Variants in ATP8B3 observed in about 807,000 individuals in gnomAD.
ATP8B3 encodes the protein ATPase phospholipid transporting 8B3, also known as phospholipid-transporting ATPase IK.
In ATP8B3, 141 loss-of-function variants were observed where a neutral mutation model predicts 140.9. The observed-to-expected ratio is 1.00, with a 90% CI of 0.87 to 1.15. The LOEUF (loss-of-function observed/expected upper bound fraction) is 1.15. Ranked by LOEUF, ATP8B3 falls within the 50% of genes most tolerant of loss-of-function variation. The pLI is 0.00. For missense variants in ATP8B3, 1,874 were observed against 1,740.6 expected (o/e 1.08, Z -1.36); for synonymous variants, 765 against 714.6 (o/e 1.07, Z -1.13).
intron 18 of ATP8B3, among the ~76,000 whole-genome samples, chr19:1,792,776 G>A (rs1033055853): frequency 1.3e-5 from 2 of 151,632 alleles, no homozygotes; most frequent in African/African-American, 4.8e-5. Context: ...TTAGCCAGGT[G>A]TGGTGGCGCA....
rs201547031 is a variant in ATP8B3 at position 1,783,204 on chromosome 19, G to C, written c.3727C>G (p.Arg1243Gly). The C allele has an allele frequency of 1.2e-6, 2 of 1,612,406 alleles. No homozygotes were observed. Among genetic ancestry groups the C allele is most frequent in the African/African-American group, 1.3e-5 (1 of 74,942 alleles). Residue 1243 changes from arginine (R) to glycine (G), a missense_variant, in exon 29 of 29, where the codon CGG becomes GGG. By Grantham distance (125) the Arg-to-Gly change is moderately radical. This residue lies in a region of ATP8B3 where 840 missense variants were observed against 760.9 expected (regional missense o/e 1.10). Transcript: ENST00000310127. ...CTGGAACGGCGGGCACGAGACTCCC[G>C]GTGTACATGAGGCAAGGGCTCCATG... Reference protein sequence around the residue: ...FTMEPLPHVHRESRARRSSYA... With the variant: ...FTMEPLPHVHGESRARRSSYA...
intron 10 of ATP8B3, among the ~76,000 whole-genome samples, chr19:1,802,915 C>T (rs918976170): frequency 3.9e-5 from 6 of 152,202 alleles, no homozygotes; most frequent in Non-Finnish European, 8.8e-5. Context: ...CTAGCTCCCT[C>T]CCTCGTGGTT....
chr19:1,809,816 G>T, intron 3 of ATP8B3, 82 bp from the exon 4 acceptor site: 2 of 1,312,120 alleles, frequency 1.5e-6, no homozygotes, highest in Non-Finnish European at 1.1e-6. Context: ...AGGGCTCATG[G>T]GGCCCGTGGG....
Position 1,805,652 on chromosome 19 carries a change from CAGGGCCT to C in ATP8B3, c.822-203_822-197del, listed in dbSNP as rs150791588. Among the ~76,000 whole-genome samples, 327 of 150,250 alleles carry C rather than the reference CAGGGCCT, an allele frequency of 2.2e-3. No individual in the cohort carries two copies. Among genetic ancestry groups the C allele is most frequent in the African/African-American group, 7.3e-3 (301 of 41,452 alleles). ...CAGCACATTTGCAAAGTGCTGAGGC[CAGGGCCT>C]AGGGCCTAGGGCCTCCTGCCCGTAT... is the stretch of plus-strand genomic sequence containing the variant. On this transcript the variant is annotated intron_variant, in intron 9 of 28. Transcript: ENST00000310127. This position sits in a 1 kb window ranked among gnomAD's most constrained non-coding sequence, Gnocchi z 5.2.
intron 2 of ATP8B3, among the ~76,000 whole-genome samples, chr19:1,810,981 C>T (rs1416551560): frequency 2.0e-5 from 3 of 152,212 alleles, no homozygotes; most frequent in Non-Finnish European, 4.4e-5. Flanking sequence ...AGGACTCTAC[C>T]GCCAGCCATG....
At position 1,784,952 on chromosome 19, in the gene ATP8B3, G is replaced by A. The variant is rs746488649; in HGVS notation, c.3533-6C>T. 9.3e-6 allele frequency: 15 copies of A among 1,604,756 alleles called. No individual in the cohort carries two copies. The highest frequency in any genetic ancestry group is 1.0e-5 in the Non-Finnish European group (12 of 1,175,474). On this transcript the variant is annotated splice_region_variant and splice_polypyrimidine_tract_variant and intron_variant, in intron 27 of 28. Transcript: ENST00000310127. ...CATCACGCTGAGGTCGGCATCTGGG[G>A]ACAGGGCGGGGTCACAGCAGAGCCT...
At position 1,784,859 on chromosome 19, in the gene ATP8B3, A is replaced by G. The variant is rs1436496119; in HGVS notation, c.3620T>C (p.Leu1207Pro). ...VSINTFPVLA[L>P]RVIFPALKEL... ...CTTGAGGGCTGGGAAGATGACTCGG[A>G]GGGCCAGGACAGGGAAGGTGTTTAT... Residue 1207 changes from leucine (L) to proline (P), a missense_variant, in exon 28 of 29, where the codon CTC becomes CCC. Physicochemically the swap from Leu to Pro is moderately conservative, Grantham distance 98 (BLOSUM62 -3). This residue lies in a region of ATP8B3 where 840 missense variants were observed against 760.9 expected (regional missense o/e 1.10). Transcript: ENST00000310127. 1 of 1,611,664 alleles carries G rather than the reference A, an allele frequency of 6.2e-7. No individual in the cohort carries two copies. Among genetic ancestry groups the G allele is most frequent in the Non-Finnish European group, 8.5e-7 (1 of 1,179,036 alleles).
chr19:1,784,749 C>T, intron 28 of ATP8B3, 70 bp downstream of exon 28: 1 of 1,501,826 alleles, frequency 6.7e-7, no homozygotes, highest in Non-Finnish European at 8.9e-7. Context: ...AGTCCCTACG[C>T]CCTGCACGGC....
At chr19:1,784,623 T>A (rs1348909505) in intron 28 of ATP8B3, among the ~76,000 whole-genome samples, 196 bp downstream of exon 28, 3 of 151,974 alleles carry the variant, frequency 2.0e-5, no homozygotes, top group Non-Finnish European at 4.4e-5. Flanking sequence ...GGGAGTGAGG[T>A]CTCCCTTCTT....
In ATP8B3 at chr19:1,788,950, C is replaced by G; in HGVS notation, c.3016G>C (p.Ala1006Pro). The G allele has an allele frequency of 3.1e-6, 5 of 1,608,286 alleles. No individual in the cohort carries two copies. The highest frequency in any genetic ancestry group is 4.2e-6 in the Non-Finnish European group (5 of 1,177,678). The change falls in exon 24 of 29, where the codon GCC (alanine) becomes CCC (proline). Residue 1006 changes from alanine to proline, a missense_variant. Ala to Pro is a conservative substitution (Grantham distance 27, BLOSUM62 -1). This residue lies in a region of ATP8B3 where 840 missense variants were observed against 760.9 expected (regional missense o/e 1.10). Transcript: ENST00000310127. ...FLRYFFYKSM[A>P]SMMVQVWFAC... ...AACCAGACCTGCACCATCATGCTGG[C>G]CATGCTCTTGTAGAAGAAGTAGCGC...
At position 1,783,028 on chromosome 19, in the gene ATP8B3, T is replaced by A. The variant is rs60482625; in HGVS notation, c.3903A>T (p.Ter1301CysextTer245). Reference protein sequence around the residue: ...EAASSPKESQ* With the variant: ...EAASSPKESQC Reference sequence around the variant, plus strand: ...CCAGGAAGGACATCTTCCTGAGGTGTCACTGTGACTCTTTTGGGCTCGAAG... The same window carrying A: ...CCAGGAAGGACATCTTCCTGAGGTGACACTGTGACTCTTTTGGGCTCGAAG... The change falls in exon 29 of 29, where the codon TGA becomes TGT. Residue 1301 changes from the stop codon to cysteine, a stop_lost. Coordinates refer to ENST00000310127, the MANE Select transcript of ATP8B3 (RefSeq NM_138813.4). 1 of 1,601,670 alleles carries A rather than the reference T, an allele frequency of 6.2e-7. No homozygotes were observed. Among genetic ancestry groups the A allele is most frequent in the Non-Finnish European group, 8.5e-7 (1 of 1,174,590 alleles).
In ATP8B3 at chr19:1,789,689, GGCGCGCGGCTCCTTCCGCAGGGACACCA is replaced by G. The variant is rs763108923; in HGVS notation, c.2489_2516del (p.Leu830ProfsTer6). 9 of 1,592,626 alleles carry G rather than the reference GGCGCGCGGCTCCTTCCGCAGGGACACCA, an allele frequency of 5.7e-6. No homozygotes were observed. The East Asian group carries it at 2.0e-4, about 36-fold the overall frequency. On this transcript the variant is annotated frameshift_variant, in exon 23 of 29. Coordinates refer to ENST00000310127, the MANE Select transcript of ATP8B3 (RefSeq NM_138813.4). LOFTEE classifies it high-confidence loss of function. ...CGTCCATGTTCACGTTCTGCGCCAGGGCGCGCGGCTCCTTCCGCAGGGACACCAGCAGTTTGTCCTGGCCGGCGGGGAG... is the reference window on the plus strand; with the variant it reads ...CGTCCATGTTCACGTTCTGCGCCAGGGCAGTTTGTCCTGGCCGGCGGGGAG...
chr19:1,792,579 C>CA (rs3050768), intron 18 of ATP8B3, among the ~76,000 whole-genome samples: 1,604 of 95,248 alleles, frequency 0.017, 28 homozygotes, highest in East Asian at 0.041. Flanking sequence ...GACTCCATCT[C>CA]AAAAAAAAAA....
chr19:1,810,718 AC>A (rs770559689), intron 2 of ATP8B3, 35 bp from the exon 3 acceptor site: 26 of 1,580,986 alleles, frequency 1.6e-5, no homozygotes, highest in Non-Finnish European at 2.2e-5. Flanking sequence ...CACAGCAGTG[AC>A]CCCAGCCCTT....
rs377532330 is a variant in ATP8B3, at chr19:1,805,971, G to A, written c.751-13C>T. 5 of 1,612,292 alleles carry A rather than the reference G, an allele frequency of 3.1e-6. No homozygotes were observed. The highest frequency in any genetic ancestry group is 2.7e-5 in the African/African-American group (2 of 74,858). Reference sequence around the variant, plus strand: ...AGAGCATGTCGGCCTGGTGTGGAGTGGGGGGCAGCGTTGCAAGAGGGGATG... The same window carrying A: ...AGAGCATGTCGGCCTGGTGTGGAGTAGGGGGCAGCGTTGCAAGAGGGGATG... On this transcript the variant is annotated splice_polypyrimidine_tract_variant and intron_variant, in intron 8 of 28. Transcript: ENST00000310127. The surrounding 1 kb of genome is among the most constrained non-coding windows in gnomAD (Gnocchi z 5.2).
In ATP8B3 at chr19:1,787,142, G is replaced by C. The variant is rs748023340; in HGVS notation, c.3114C>G (p.Tyr1038Ter). Residue 1038 changes from tyrosine to a stop codon, truncating the protein, a stop_gained, in exon 25 of 29, where the codon TAC becomes TAG. Coordinates refer to ENST00000310127, the MANE Select transcript of ATP8B3 (RefSeq NM_138813.4). LOFTEE classifies it high-confidence loss of function. ...CAATGTAGAGAACTGGCAGGGTGCT[G>C]TACAGGAGGTTGAAAAGAGCCAGGA... The part of the protein sequence containing the change: ...GWFLALFNLL[Y>*]STLPVLYIGL... 2 of 1,610,838 alleles carry C rather than the reference G, an allele frequency of 1.2e-6. No homozygotes were observed. Among genetic ancestry groups the C allele is most frequent in the South Asian group, 1.1e-5 (1 of 90,412 alleles).
Position 1,805,756 on chromosome 19 carries a change from A to G in ATP8B3, c.821+132T>C, listed in dbSNP as rs879055030. 4 of 1,070,386 alleles carry G rather than the reference A, an allele frequency of 3.7e-6. No homozygotes were observed. The highest frequency in any genetic ancestry group is 5.2e-5 in the East Asian group (2 of 38,742). The allele number at this position is 1,070,386 out of a possible 1,614,324, so 66.3% of individuals were successfully genotyped here. A position where few individuals can be genotyped will look rare whatever the true frequency, so the allele number is the denominator to read the frequency against. On this transcript the variant is annotated intron_variant, in intron 9 of 28. Coordinates refer to ENST00000310127, the MANE Select transcript of ATP8B3 (RefSeq NM_138813.4). The surrounding 1 kb of genome is among the most constrained non-coding windows in gnomAD (Gnocchi z 5.2). ...GTGCCTGGCAGCACCCACGCCCCAG[A>G]CACTCATGGGGTGAGTGACCAAAGT...
intron 11 of ATP8B3, 70 bp from the exon 12 acceptor site, chr19:1,802,114 C>G (rs1250203480): frequency 8.9e-7 from 1 of 1,119,220 alleles, no homozygotes; most frequent in Admixed American, 2.3e-5. Context: ...ATCACTCACC[C>G]ATCCACCCAC....
chr19:1,784,852 G>T lies in ATP8B3; in HGVS notation c.3627C>A (p.Val1209=), dbSNP rs199919557. 1.9e-5 allele frequency: 31 copies of T among 1,610,474 alleles called. No homozygotes were observed. Among genetic ancestry groups the T allele is most frequent in the Non-Finnish European group, 2.6e-5 (31 of 1,178,504 alleles). The change falls in exon 28 of 29, where the codon GTC becomes GTA. Residue 1209 remains valine, a synonymous_variant. Transcript: ENST00000310127. ...INTFPVLALR[V]IFPALKELRA... is the part of the protein sequence containing the mutation. ...GTAGCTCCTTGAGGGCTGGGAAGAT[G>T]ACTCGGAGGGCCAGGACAGGGAAGG...
Sources: gnomAD v4.1 joint callset for allele counts (sites outside exome capture counted in the v4.1 genomes callset) on GRCh38, gnomAD v4.1.1 for gene constraint, gnomAD v4.1.1 regional missense constraint, Gnocchi (gnomAD v3.1) non-coding constraint, MANE v1.5 for transcripts, NCBI Gene and HGNC (gene_info 2026-07-23, HGNC 2026-07-21) for gene names.